CPS1: variants seen among roughly 807,000 people sequenced by gnomAD.
CPS1 encodes the protein carbamoyl-phosphate synthase 1, also known as carbamoyl-phosphate synthase [ammonia], mitochondrial.
CPS1 carries 109 observed loss-of-function variants against 174.6 expected under a neutral mutation model. That is an observed-to-expected ratio of 0.62 (90% CI 0.53 to 0.73). CPS1 has a LOEUF of 0.73. Ranked by LOEUF, CPS1 falls within the 30% of genes least tolerant of loss-of-function variation. The pLI, the probability that CPS1 is intolerant of heterozygous loss-of-function variation, is 0.00. For synonymous variants in CPS1, 637 were observed against 632.0 expected (o/e 1.01, Z -0.12); for missense variants, 1,689 against 1,821.9 (o/e 0.93, Z 1.33).
intron 1 of CPS1, among the ~76,000 whole-genome samples, chr2:210,517,827 T>C (rs1434799919): frequency 4.6e-5 from 7 of 152,016 alleles, no homozygotes; most frequent in African/African-American, 9.7e-5. Flanking sequence ...AAAACTCTTA[T>C]GGCTATGCTG....
At chr2:210,619,273 T>A (rs1699424858) in intron 21 of CPS1, 1 of 152,146 alleles carries the variant, frequency 6.6e-6, no homozygotes, top group Non-Finnish European at 1.5e-5. Flanking sequence ...CTCCCCACTG[T>A]AGAATCAGAC....
At chr2:210,584,910 T>G (rs1698055842) in intron 6 of CPS1, among the ~76,000 whole-genome samples, 1 of 152,070 alleles carries the variant, frequency 6.6e-6, no homozygotes, top group Admixed American at 6.6e-5. Flanking sequence ...GGCCTGAATA[T>G]GTTTGTTTGC....
intron 21 of CPS1, among the ~76,000 whole-genome samples, chr2:210,632,045 T>C (rs779224705): frequency 6.6e-6 from 1 of 152,238 alleles, no homozygotes; most frequent in African/African-American, 2.4e-5. Context: ...AAAAGCAGTG[T>C]TGAATTATAA....
chr2:210,668,332 T>A, intron 34 of CPS1, 48 bp downstream of exon 34: 2 of 1,271,830 alleles, frequency 1.6e-6, no homozygotes, highest in Non-Finnish European at 2.3e-6. Flanking sequence ...ACATGGTGAG[T>A]GGGGAGGGGC....
intron 1 of CPS1, among the ~76,000 whole-genome samples, chr2:210,562,044 C>A (rs946050513): frequency 6.6e-6 from 1 of 152,072 alleles, no homozygotes; most frequent in South Asian, 2.1e-4. Context: ...ATGTAGGTTC[C>A]TCCAGGATTC....
chr2:210,656,534 C>A lies in CPS1; in HGVS notation c.3568C>A (p.His1190Asn). The change falls in exon 30 of 38, where the codon CAT (histidine) becomes AAT (asparagine). Residue 1190 changes from histidine (H) to asparagine (N), a missense_variant. By Grantham distance (68) the His-to-Asn change is moderately conservative (BLOSUM62 1). Coordinates refer to ENST00000233072, the MANE Select transcript of CPS1 (RefSeq NM_001875.5). ...AVGKDGRVIS[H>N]AISEHVEDAG... ...TTTTTTTTTTGGCCAGGTTATCTCT[C>A]ATGCCATCTCTGAACATGTTGAAGA... 1 of 1,577,642 alleles carries A rather than the reference C, an allele frequency of 6.3e-7. No homozygotes were observed. Among genetic ancestry groups the A allele is most frequent in the Non-Finnish European group, 8.6e-7 (1 of 1,156,180 alleles).
upstream of CPS1, among the ~76,000 whole-genome samples, chr2:210,553,850 A>G (rs1559073105): frequency 6.6e-6 from 1 of 151,516 alleles, no homozygotes; most frequent in East Asian, 1.9e-4. Flanking sequence ...TGTGTAATAT[A>G]TTTTTTTCCA....
At chr2:210,645,411 A>G (rs1016570790) in intron 25 of CPS1, among the ~76,000 whole-genome samples, 1 of 152,240 alleles carries the variant, frequency 6.6e-6, no homozygotes, top group Non-Finnish European at 1.5e-5. Flanking sequence ...CCAGAAAAGT[A>G]GAGTTAACTT....
intron 1 of CPS1, among the ~76,000 whole-genome samples, chr2:210,516,396 A>G (rs1327477643): frequency 1.3e-5 from 2 of 151,726 alleles, no homozygotes; most frequent in African/African-American, 4.8e-5. Flanking sequence ...TCTATTTTCT[A>G]ACAAACTCTT....
At chr2:210,487,718 T>G (rs144481305) in intron 1 of CPS1, among the ~76,000 whole-genome samples, 117 of 152,226 alleles carry the variant, frequency 7.7e-4, no homozygotes, top group African/African-American at 2.7e-3. Context: ...ATCTGATTCT[T>G]ATTTTTTAGA....
chr2:210,527,042 T>C (rs1047237587), intron 1 of CPS1, among the ~76,000 whole-genome samples: 1 of 152,058 alleles, frequency 6.6e-6, no homozygotes, highest in East Asian at 1.9e-4. Context: ...TTAGATGGCA[T>C]ATGTACCTTT....
intron 1 of CPS1, among the ~76,000 whole-genome samples, chr2:210,568,918 AAAT>A (rs1381745833): frequency 6.6e-6 from 1 of 152,112 alleles, no homozygotes; most frequent in Non-Finnish European, 1.5e-5. Context: ...GAATTAAAAG[AAAT>A]AATCAGGAGG....
intron 21 of CPS1, among the ~76,000 whole-genome samples, chr2:210,620,726 A>G (rs1305754042): frequency 6.6e-6 from 1 of 151,988 alleles, no homozygotes; most frequent in Non-Finnish European, 1.5e-5. Flanking sequence ...GAATTCACTC[A>G]CTATTGCCAG....
In CPS1 at chr2:210,678,049, A is replaced by C. The variant is rs868648409; in HGVS notation, c.*64A>C. ...AGCCACATGTTATCTAAAGGAACTG[A>C]TTCACAACTTTCTCAGAGATGAATA... On this transcript the variant is annotated 3_prime_UTR_variant, in exon 38 of 38. Transcript: ENST00000233072. 5.0e-6 allele frequency: 6 copies of C among 1,194,026 alleles called. No homozygotes were observed. In the Middle Eastern group the frequency reaches 1.1e-3, roughly 228 times the overall value. 74.0% of individuals were successfully genotyped at this position (1,194,026 alleles called of 1,614,324 possible). A position where few individuals can be genotyped will look rare whatever the true frequency, so the allele number is the denominator to read the frequency against.
chr2:210,609,561 A>G lies in CPS1; in HGVS notation c.2391+1002A>G, dbSNP rs148880051. 1.1e-3 allele frequency among the ~76,000 whole-genome samples: 161 copies of G among 152,100 alleles called. 1 individual carries two copies. In the South Asian group the frequency reaches 0.012, roughly 11 times the overall value. ...TTAAATTAGTATTCATAAATGTTGCATGGGGTAGATGAGTGCTGAAGTATG... is the reference window on the plus strand; with the variant it reads ...TTAAATTAGTATTCATAAATGTTGCGTGGGGTAGATGAGTGCTGAAGTATG... On this transcript the variant is annotated intron_variant, in intron 19 of 37. Coordinates refer to ENST00000233072, the MANE Select transcript of CPS1 (RefSeq NM_001875.5).
intron 27 of CPS1, among the ~76,000 whole-genome samples, chr2:210,649,919 C>T (rs1700508695): frequency 6.6e-6 from 1 of 152,192 alleles, no homozygotes; most frequent in African/African-American, 2.4e-5. Flanking sequence ...GAGGGAGTAG[C>T]ATAACCTGCT....
chr2:210,669,192 T>C (rs949385723), intron 34 of CPS1, among the ~76,000 whole-genome samples: 1 of 152,142 alleles, frequency 6.6e-6, no homozygotes, highest in Non-Finnish European at 1.5e-5. Flanking sequence ...GGCAAAATGA[T>C]AGGAAACTTC....
chr2:210,508,605 A>G lies in CPS1; in HGVS notation c.3+30839A>G, dbSNP rs567954543. ...GAATCCAGGAGCTGGTTTTGTGAAAAGATCAACAAAATTGATAGACCACTA... is the reference window on the plus strand; with the variant it reads ...GAATCCAGGAGCTGGTTTTGTGAAAGGATCAACAAAATTGATAGACCACTA... On this transcript the variant is annotated intron_variant, in intron 1 of 38. Coordinates refer to the CPS1 transcript ENST00000430249. 5.5e-4 allele frequency among the ~76,000 whole-genome samples: 84 copies of G among 152,318 alleles called. 1 individual carries two copies. Among genetic ancestry groups the G allele is most frequent in the Middle Eastern group, 6.8e-3 (2 of 294 alleles).
chr2:210,635,964 CA>C (rs1320931595), intron 21 of CPS1, among the ~76,000 whole-genome samples: 1 of 152,062 alleles, frequency 6.6e-6, no homozygotes, highest in Non-Finnish European at 1.5e-5. Flanking sequence ...TTTTCTTCTC[CA>C]AACTCAGAAT....
Sources: allele counts gnomAD v4.1 joint callset (sites outside exome capture counted in the v4.1 genomes callset), GRCh38; gene constraint gnomAD v4.1.1; transcripts MANE v1.5; gene names NCBI Gene and HGNC (gene_info 2026-07-23, HGNC 2026-07-21).